The following DLGAP2 variants were observed in gnomAD, a reference collection of about 807,000 sequenced individuals.
The protein encoded by DLGAP2 is disks large-associated protein 2.
A neutral mutation model predicts 100.3 loss-of-function variants in DLGAP2; 26 were observed. The observed-to-expected ratio is 0.26, with a 90% CI of 0.19 to 0.36. The LOEUF is 0.36. DLGAP2 is among the 10% of genes least tolerant of loss of function. The probability of loss-of-function intolerance (pLI) is 1.00; values close to 1 mark genes in which losing one functional copy is unlikely to be tolerated. For missense variants in DLGAP2, 1,858 were observed against 1,453.2 expected (o/e 1.28, Z -4.53); for synonymous variants, 886 against 630.1 (o/e 1.41, Z -6.08).
intron 2 of DLGAP2, among the ~76,000 whole-genome samples, chr8:1,173,758 G>T (rs1375275982): frequency 6.6e-6 from 1 of 152,164 alleles, no homozygotes; most frequent in African/African-American, 2.4e-5. Flanking sequence ...GGGTAGGAGT[G>T]ACCCGATTTT....
At chr8:1,526,943 G>C (rs1024683896) in intron 4 of DLGAP2, among the ~76,000 whole-genome samples, 3 of 152,350 alleles carry the variant, frequency 2.0e-5, no homozygotes, top group African/African-American at 7.2e-5. Flanking sequence ...AAGGAAACGT[G>C]GTGTGGCCTC....
intron 2 of DLGAP2, among the ~76,000 whole-genome samples, chr8:1,071,824 G>A (rs1327211027): frequency 6.6e-6 from 1 of 152,206 alleles, no homozygotes; most frequent in African/African-American, 2.4e-5. Flanking sequence ...TAATCACCCA[G>A]TTATTTAGTC....
intron 2 of DLGAP2, among the ~76,000 whole-genome samples, chr8:1,090,811 C>G (rs553275380): frequency 1.1e-3 from 169 of 152,192 alleles, no homozygotes; most frequent in Admixed American, 7.7e-3. Context: ...AGGGAAAATT[C>G]TTTTCATCGA....
At chr8:1,612,422 T>C (rs1432835497) in intron 6 of DLGAP2, among the ~76,000 whole-genome samples, 5 of 133,888 alleles carry the variant, frequency 3.7e-5, no homozygotes, top group African/African-American at 1.4e-4. Flanking sequence ...ACGTTAGACC[T>C]AAAACCATAA....
At chr8:1,305,000 G>A (rs1261312505) in intron 3 of DLGAP2, among the ~76,000 whole-genome samples, 1 of 152,302 alleles carries the variant, frequency 6.6e-6, no homozygotes, top group Non-Finnish European at 1.5e-5. Context: ...AAGAATAACT[G>A]TGCAGGAGGT....
intron 2 of DLGAP2, among the ~76,000 whole-genome samples, chr8:925,563 T>G (rs962957902): frequency 3.3e-5 from 5 of 152,170 alleles, no homozygotes; most frequent in Non-Finnish European, 7.4e-5. Context: ...GATGTCCACA[T>G]TGTGGACGGA....
chr8:1,125,669 G>T (rs1256969630), intron 2 of DLGAP2, among the ~76,000 whole-genome samples: 5 of 152,160 alleles, frequency 3.3e-5, no homozygotes, highest in African/African-American at 1.2e-4. Flanking sequence ...ATCACAAATG[G>T]ATGTTTTCTT....
At chr8:1,284,926 G>A (rs987850685) in intron 3 of DLGAP2, among the ~76,000 whole-genome samples, 1 of 152,138 alleles carries the variant, frequency 6.6e-6, no homozygotes, top group East Asian at 1.9e-4. Context: ...CCTTTACTTT[G>A]TTTTTGCCTG....
At chr8:1,343,853 A>C (rs148798548) in intron 3 of DLGAP2, among the ~76,000 whole-genome samples, 81 of 152,198 alleles carry the variant, frequency 5.3e-4, no homozygotes, top group African/African-American at 1.9e-3. Context: ...TGATGCTCCA[A>C]TTCCAGGGAG....
At chr8:833,091 A>G (rs1367078467) in intron 1 of DLGAP2, among the ~76,000 whole-genome samples, 2 of 152,204 alleles carry the variant, frequency 1.3e-5, no homozygotes, top group African/African-American at 2.4e-5. Flanking sequence ...GGGTTGATAC[A>G]GGGCTTACCT....
At chr8:1,519,253 C>T (rs950672227) in intron 4 of DLGAP2, among the ~76,000 whole-genome samples, 5 of 152,176 alleles carry the variant, frequency 3.3e-5, no homozygotes, top group African/African-American at 9.7e-5. Flanking sequence ...TACGCAGCGG[C>T]ATGTCCCATC....
chr8:1,468,523 A>G (rs2130187506), intron 3 of DLGAP2, among the ~76,000 whole-genome samples: 1 of 152,336 alleles, frequency 6.6e-6, no homozygotes, highest in South Asian at 2.1e-4. Flanking sequence ...GTGGGTTCTG[A>G]GAACCACACC....
intron 3 of DLGAP2, among the ~76,000 whole-genome samples, chr8:1,418,259 A>G (rs895774641): frequency 2.0e-5 from 3 of 152,242 alleles, no homozygotes; most frequent in African/African-American, 7.2e-5. Flanking sequence ...TGTATGTGTA[A>G]TAACTAAGTC....
intron 2 of DLGAP2, among the ~76,000 whole-genome samples, chr8:1,103,792 G>T (rs1004882910): frequency 6.6e-6 from 1 of 151,394 alleles, no homozygotes; most frequent in African/African-American, 2.4e-5. Flanking sequence ...GACTGGCGGG[G>T]CCTTGGTTGA....
At chr8:940,379 G>GGAGAGA (rs546213996) in intron 2 of DLGAP2, among the ~76,000 whole-genome samples, 2 of 151,664 alleles carry the variant, frequency 1.3e-5, no homozygotes, top group Non-Finnish European at 2.9e-5. Context: ...AGAGGGAGAG[G>GGAGAGA]GAGAGAGAGA....
At chr8:1,486,654 T>C (rs1301528453) in intron 3 of DLGAP2, among the ~76,000 whole-genome samples, 2 of 152,208 alleles carry the variant, frequency 1.3e-5, no homozygotes, top group East Asian at 3.8e-4. Flanking sequence ...ATTTGTCTCC[T>C]CTTGCTCTTC....
chr8:1,040,237 T>TGTGGTCAGCTCGGTTTCC (rs1802293713), intron 2 of DLGAP2, among the ~76,000 whole-genome samples: 3 of 86,168 alleles, frequency 3.5e-5, no homozygotes, highest in Non-Finnish European at 6.8e-5. Context: ...GCTCGGTTTC[T>TGTGGTCAGCTCGGTTTCC]GTGGTCAGCT....
rs184761599 is a variant in DLGAP2, at chr8:883,587, G to A, written c.19-24325G>A. ...TACACAGGTACGCGTGTGCCGCGGC[G>A]GTTCGTTACATAGGAACGCGTGTGC... On this transcript the variant is annotated intron_variant, in intron 1 of 14. Transcript: ENST00000637795. 3.0e-3 allele frequency among the ~76,000 whole-genome samples: 448 copies of A among 151,526 alleles called. 3 individuals are homozygous for A. The highest frequency in any genetic ancestry group is 0.01 in the African/African-American group (428 of 41,298).
intron 1 of DLGAP2, among the ~76,000 whole-genome samples, chr8:768,340 C>CA (rs1821267076): frequency 6.6e-6 from 1 of 151,388 alleles, no homozygotes; most frequent in Non-Finnish European, 1.5e-5. Flanking sequence ...ACAAATTACT[C>CA]AAATAACTGT....
Sources: allele counts gnomAD v4.1 joint callset (sites outside exome capture counted in the v4.1 genomes callset), GRCh38; gene constraint gnomAD v4.1.1; transcripts MANE v1.5; gene names NCBI Gene and HGNC (gene_info 2026-07-23, HGNC 2026-07-21).